Variants in HGS observed in about 807,000 individuals in gnomAD.
The protein encoded by HGS is hepatocyte growth factor-regulated tyrosine kinase substrate, also known as human growth factor-regulated tyrosine kinase substrate.
HGS carries 63 observed loss-of-function variants against 109.7 expected under a neutral mutation model. The ratio of observed to expected loss-of-function variants is 0.57; its 90% CI spans 0.47 to 0.71. The LOEUF (loss-of-function observed/expected upper bound fraction) is 0.71, where lower values mean the gene tolerates loss of function less well. HGS is among the 30% of genes least tolerant of loss of function. HGS has a pLI of 0.00. For synonymous variants in HGS, 546 were observed against 437.3 expected (o/e 1.25, Z -3.10); for missense variants, 995 against 1,068.3 (o/e 0.93, Z 0.96).
chr17:81,693,857 G>C lies in HGS; in HGVS notation c.841-13G>C, dbSNP rs2037104460. 1 of 1,598,684 alleles carries C rather than the reference G, an allele frequency of 6.3e-7. No individual in the cohort carries two copies. The highest frequency in any genetic ancestry group is 1.1e-5 in the South Asian group (1 of 90,258). ...CGTGCACCCAAGTGACGCCCCTTCTGATTCTGCCTCAGAGACAGAAGTCCA... is the reference window on the plus strand; with the variant it reads ...CGTGCACCCAAGTGACGCCCCTTCTCATTCTGCCTCAGAGACAGAAGTCCA... On this transcript the variant is annotated splice_polypyrimidine_tract_variant and intron_variant, in intron 10 of 21. Transcript: ENST00000329138.
Position 81,684,048 on chromosome 17 carries a change from G to T in HGS, c.-19G>T, listed in dbSNP as rs747407664. 6.3e-7 allele frequency: 1 copy of T among 1,591,422 alleles called. No individual in the cohort carries two copies. The highest frequency in any genetic ancestry group is 1.8e-5 in the Admixed American group (1 of 56,972). ...AGCAGGGGAGCGCCCGCGGCGTCGG[G>T]TTTGGGCTGGAGGTCGCCATGGGGC... is the stretch of plus-strand genomic sequence containing the variant. On this transcript the variant is annotated 5_prime_UTR_variant, in exon 1 of 22. Coordinates refer to ENST00000329138, the MANE Select transcript of HGS (RefSeq NM_004712.5).
chr17:81,684,378 C>T (rs1310139819), intron 1 of HGS: 2 of 338,948 alleles, frequency 5.9e-6, no homozygotes, highest in Admixed American at 9.7e-5. Context: ...CGGGCCCGGG[C>T]ATTCGGCCGA....
intron 18 of HGS, among the ~76,000 whole-genome samples, chr17:81,699,484 G>T (rs2037201023): frequency 6.6e-6 from 1 of 152,216 alleles, no homozygotes; most frequent in Non-Finnish European, 1.5e-5. Context: ...GGAGTGCAGT[G>T]GTGCGACGTC....
At position 81,696,940 on chromosome 17, in the gene HGS, CAT is replaced by C; in HGVS notation, c.1825_1826del (p.Met609GlufsTer19). The C allele has an allele frequency of 6.2e-7, 1 of 1,605,718 alleles. No individual in the cohort carries two copies. The highest frequency in any genetic ancestry group is 8.5e-7 in the Non-Finnish European group (1 of 1,179,278). ...AGGGCTCCCCAATGCACGGCGTGTACATGAGCCAGCCGGCCCCTGCCGCTGGC... is the reference window on the plus strand; with the variant it reads ...AGGGCTCCCCAATGCACGGCGTGTACGAGCCAGCCGGCCCCTGCCGCTGGC... ...VEGSPMHGVY[M>X]SQPAPAAGPY... On this transcript the variant is annotated frameshift_variant, in exon 18 of 22. Coordinates refer to ENST00000329138, the MANE Select transcript of HGS (RefSeq NM_004712.5). LOFTEE classifies it high-confidence loss of function.
Position 81,701,743 on chromosome 17 carries a change from G to A in HGS, c.*125G>A, listed in dbSNP as rs1036312864. 5.8e-6 allele frequency: 8 copies of A among 1,390,842 alleles called. No homozygotes were observed. Among genetic ancestry groups the A allele is most frequent in the Middle Eastern group, 1.8e-4 (1 of 5,482 alleles). 86.2% of individuals were successfully genotyped at this position (1,390,842 alleles called of 1,614,324 possible). A position where few individuals can be genotyped will look rare whatever the true frequency, so the allele number is the denominator to read the frequency against. ...GTAGTGTCCCTTCTCTGCGAGTGAGGGGGGGCCTTCACCCCAAGCCCACCT... is the reference window on the plus strand; with the variant it reads ...GTAGTGTCCCTTCTCTGCGAGTGAGAGGGGGCCTTCACCCCAAGCCCACCT... On this transcript the variant is annotated 3_prime_UTR_variant, in exon 22 of 22. Coordinates refer to ENST00000329138, the MANE Select transcript of HGS (RefSeq NM_004712.5).
At chr17:81,689,217 C>T (rs949441877) in intron 5 of HGS, among the ~76,000 whole-genome samples, 3 of 152,186 alleles carry the variant, frequency 2.0e-5, no homozygotes, top group Non-Finnish European at 4.4e-5. Flanking sequence ...AGGCAGCACC[C>T]GTGGGCAGAC....
In HGS at chr17:81,696,014, C is replaced by T. The variant is rs2037140944; in HGVS notation, c.1393+15C>T. On this transcript the variant is annotated intron_variant, in intron 15 of 21. Coordinates refer to ENST00000329138, the MANE Select transcript of HGS (RefSeq NM_004712.5). ...CGAGCGCAGGCGTAGGTGCCCGCGC[C>T]ACGGGGCCTCGGCTCAGGGGCAGCC... 2.6e-6 allele frequency: 4 copies of T among 1,533,704 alleles called. No homozygotes were observed. Among genetic ancestry groups the T allele is most frequent in the African/African-American group, 1.4e-5 (1 of 72,914 alleles).
rs542879668 is a variant in HGS, at chr17:81,688,284, G to T, written c.292-420G>T. Among the ~76,000 whole-genome samples the T allele has an allele frequency of 7.6e-3, 1,151 of 152,286 alleles. 15 individuals carry two copies. Among genetic ancestry groups the T allele is most frequent in the African/African-American group, 0.027 (1,103 of 41,566 alleles). The stretch of plus-strand genomic sequence containing the variant: ...GGCATTTCTGGAGCGGCTGCCCCCC[G>T]CGTCTCCCCGGCTGTGACTGGAAGG... On this transcript the variant is annotated intron_variant, in intron 4 of 21. Transcript: ENST00000329138.
At position 81,688,813 on chromosome 17, in the gene HGS, T is replaced by C. The variant is rs1376293204; in HGVS notation, c.401T>C (p.Ile134Thr). The C allele has an allele frequency of 3.1e-6, 5 of 1,613,944 alleles. No individual in the cohort carries two copies. The change falls in exon 5 of 22, where the codon ATC becomes ACC. Residue 134 changes from isoleucine to threonine, a missense_variant. Around this residue, in one of 6 missense-constraint regions of HGS, gnomAD observed 182 missense variants for 261.3 expected, o/e 0.70. Transcript: ENST00000329138. ...KYKVVQDTYQ[I>T]MKVEGHVFPE... ...AAGGTGGTCCAGGACACCTACCAGA[T>C]CATGAAGGTGGAGGGTGAGTCAGGA...
intron 2 of HGS, 64 bp from the exon 3 acceptor site, chr17:81,686,248 A>G: frequency 1.4e-6 from 2 of 1,385,322 alleles, no homozygotes; most frequent in Non-Finnish European, 1.0e-6. Flanking sequence ...AGCTTTTCTC[A>G]TCTTAGTTGC....
At chr17:81,690,111 T>C in intron 5 of HGS, 71 bp from the exon 6 acceptor site, 1 of 1,517,190 alleles carries the variant, frequency 6.6e-7, no homozygotes, top group Non-Finnish European at 9.1e-7. Context: ...CTGCCGAGAG[T>C]GAGGAAGGGG....
chr17:81,700,999 CT>C (rs1467937780), intron 20 of HGS, 45 bp from the exon 21 acceptor site: 1 of 1,575,938 alleles, frequency 6.3e-7, no homozygotes, highest in South Asian at 1.1e-5. Context: ...CCCCGCCTGC[CT>C]GGTCACAGGG....
chr17:81,700,456 G>T lies in HGS; in HGVS notation c.1883-11G>T. ...CTGGCTGAACCATCTCCCCTGTCTT[G>T]TTTGTCACAGATCCCAGCATGGTGA... On this transcript the variant is annotated splice_polypyrimidine_tract_variant and intron_variant, in intron 18 of 21. Transcript: ENST00000329138. 1 of 1,548,070 alleles carries T rather than the reference G, an allele frequency of 6.5e-7. No individual in the cohort carries two copies. The highest frequency in any genetic ancestry group is 8.7e-7 in the Non-Finnish European group (1 of 1,144,594).
chr17:81,686,624 G>A (rs1057374743), intron 3 of HGS, among the ~76,000 whole-genome samples: 1 of 152,240 alleles, frequency 6.6e-6, no homozygotes, highest in African/African-American at 2.4e-5. Context: ...CCGGTCCTGC[G>A]TGAGTAAACA....
rs80239690 is a variant in HGS, at chr17:81,701,002, G to A, written c.2137-43G>A. The A allele has an allele frequency of 2.3e-3, 3,654 of 1,582,122 alleles. 59 individuals carry two copies. In the African/African-American group the frequency reaches 0.042, roughly 18 times the overall value. ...AGCCAGAAACATCCCCGCCTGCCTG[G>A]TCACAGGGCTACTCTCTCACATCTG... On this transcript the variant is annotated intron_variant, in intron 20 of 21. Coordinates refer to ENST00000329138, the MANE Select transcript of HGS (RefSeq NM_004712.5).
At chr17:81,684,160 G>T in intron 1 of HGS, 57 bp downstream of exon 1, 1 of 1,420,182 alleles carries the variant, frequency 7.0e-7, no homozygotes, top group South Asian at 1.4e-5. Flanking sequence ...TCCGCCCGGC[G>T]CTGAGTCAGC....
chr17:81,685,709 G>A lies in HGS; in HGVS notation c.122+20G>A, dbSNP rs762947031. The A allele has an allele frequency of 6.3e-7, 1 of 1,598,990 alleles. No homozygotes were observed. Among genetic ancestry groups the A allele is most frequent in the Admixed American group, 1.7e-5 (1 of 59,000 alleles). ...CACACAGTGAGTTAGCGGGGCCTGTGCCCTGATGCGGAGGAGCAGCCGTGC... is the reference window on the plus strand; with the variant it reads ...CACACAGTGAGTTAGCGGGGCCTGTACCCTGATGCGGAGGAGCAGCCGTGC... On this transcript the variant is annotated intron_variant, in intron 2 of 21. Transcript: ENST00000329138.
chr17:81,697,272 G>A, intron 18 of HGS: 1 of 367,786 alleles, frequency 2.7e-6, no homozygotes, highest in Non-Finnish European at 5.0e-6. Flanking sequence ...GCCGATCCTC[G>A]TCTGTAGCAG....
chr17:81,701,319 G>A (rs1219253877), intron 21 of HGS, 188 bp downstream of exon 21: 8 of 810,060 alleles, frequency 9.9e-6, no homozygotes, highest in South Asian at 1.7e-5. Flanking sequence ...ACGCGCATCC[G>A]CAAGTGTAGA....
Sources: gnomAD v4.1 joint callset for allele counts (sites outside exome capture counted in the v4.1 genomes callset) on GRCh38, gnomAD v4.1.1 for gene constraint, gnomAD v4.1.1 regional missense constraint, MANE v1.5 for transcripts, NCBI Gene and HGNC (gene_info 2026-07-23, HGNC 2026-07-21) for gene names.